Variants in DHX37 observed in about 807,000 individuals in gnomAD.
The protein encoded by DHX37 is DEAH-box helicase 37.
Under a neutral mutation model 134.3 loss-of-function variants are expected in DHX37, and 52 were observed. The ratio of observed to expected loss-of-function variants is 0.39; its 90% confidence interval spans 0.31 to 0.49. The LOEUF (loss-of-function observed/expected upper bound fraction) is 0.49. Among genes scored for constraint, DHX37 ranks in the 20% least tolerant of loss-of-function variants. The pLI is 0.93. For missense variants in DHX37, 1,344 were observed against 1,580.8 expected (o/e 0.85, Z 2.54); for synonymous variants, 634 against 670.7 (o/e 0.95, Z 0.85).
At chr12:124,968,996 G>T (rs11614657) in intron 8 of DHX37, 28 bp from the exon 9 acceptor site, 208,306 of 1,605,086 alleles carry the variant, frequency 0.13, 14,059 homozygotes, top group Middle Eastern at 0.16. Context: ...CAGTGACCGT[G>T]GCCCCAGGAC....
Position 124,952,668 on chromosome 12 carries a change from C to G in DHX37, c.2696-98G>C. 2 of 1,280,002 alleles carry G rather than the reference C, an allele frequency of 1.6e-6. 1 individual carries two copies. Among genetic ancestry groups the G allele is most frequent in the South Asian group, 4.3e-5 (2 of 47,052 alleles). The allele number at this position is 1,280,002 out of a possible 1,614,324, so 79.3% of individuals were successfully genotyped here. On this transcript the variant is annotated intron_variant, in intron 20 of 26. Transcript: ENST00000308736. ...GTCCCAACCATGCTCAGTGCTCTAGCCTCAGCCACCTGCTTGTCTCAACCC... is the reference window on the plus strand; with the variant it reads ...GTCCCAACCATGCTCAGTGCTCTAGGCTCAGCCACCTGCTTGTCTCAACCC...
At chr12:124,950,960 G>T in intron 21 of DHX37, 156 bp from the exon 22 acceptor site, 1 of 754,354 alleles carries the variant, frequency 1.3e-6, no homozygotes, top group South Asian at 6.1e-5. Context: ...ACACGCTGGA[G>T]TCTGATCCAG....
At chr12:124,954,278 A>C (rs372411913) in intron 18 of DHX37, 67 bp from the exon 19 acceptor site, 14 of 1,507,438 alleles carry the variant, frequency 9.3e-6, no homozygotes, top group African/African-American at 2.8e-5. Context: ...AGCGGGGGGA[A>C]CTCCTTTATT....
chr12:124,980,451 C>T lies in DHX37; in HGVS notation c.738+39G>A, dbSNP rs1051419096. 4 of 1,595,976 alleles carry T rather than the reference C, an allele frequency of 2.5e-6. No individual in the cohort carries two copies. Among genetic ancestry groups the T allele is most frequent in the African/African-American group, 1.4e-5 (1 of 74,010 alleles). ...ACGCCCTCTGTGCGCCCCTTGCCCG[C>T]TAACCTAGATTCTTAATCACAAACA... On this transcript the variant is annotated intron_variant, in intron 4 of 26. Transcript: ENST00000308736. The surrounding 1 kb of genome is among the most constrained non-coding windows in gnomAD (Gnocchi z 5.3).
chr12:124,970,536 C>T (rs922449250), intron 8 of DHX37, among the ~76,000 whole-genome samples: 3 of 152,162 alleles, frequency 2.0e-5, no homozygotes, highest in Admixed American at 2.0e-4. Flanking sequence ...CCTCATTCAG[C>T]CTTCCACTTG....
intron 1 of DHX37, among the ~76,000 whole-genome samples, chr12:124,986,983 G>A (rs1189207932): frequency 6.6e-6 from 1 of 152,126 alleles, no homozygotes; most frequent in East Asian, 2.0e-4. Flanking sequence ...TGACCCCCAA[G>A]TGAGCCACCC....
chr12:124,971,991 T>C (rs1954534067), intron 7 of DHX37, among the ~76,000 whole-genome samples: 1 of 152,214 alleles, frequency 6.6e-6, no homozygotes, highest in South Asian at 2.1e-4. Context: ...CCAGGGACCG[T>C]GAAGACGCTC....
At position 124,961,284 on chromosome 12, in the gene DHX37, A is replaced by G. The variant is rs774902982; in HGVS notation, c.2046-861T>C. Among the ~76,000 whole-genome samples, 24 of 123,680 alleles carry G rather than the reference A, an allele frequency of 1.9e-4. No homozygotes were observed. In the East Asian group the frequency reaches 3.6e-3, roughly 19 times the overall value. 81.1% of individuals were successfully genotyped at this position (123,680 alleles called of 152,430 possible). ...CACACATACACGCGTGCACGCACAC[A>G]CACTTACACGCGTGCACGCACGCAC... On this transcript the variant is annotated intron_variant, in intron 15 of 26. Coordinates refer to ENST00000308736, the MANE Select transcript of DHX37 (RefSeq NM_032656.4).
chr12:124,963,310 C>T (rs953686916), intron 15 of DHX37, among the ~76,000 whole-genome samples: 1 of 152,124 alleles, frequency 6.6e-6, no homozygotes, highest in African/African-American at 2.4e-5. Context: ...CAGGCACATC[C>T]CTATAGACAA....
At chr12:124,966,699 A>G in intron 12 of DHX37, 94 bp downstream of exon 12, 2 of 1,276,840 alleles carry the variant, frequency 1.6e-6, no homozygotes, top group South Asian at 2.4e-5. Context: ...TATTCCAATT[A>G]CACTTAAACC....
intron 15 of DHX37, among the ~76,000 whole-genome samples, chr12:124,962,954 G>A (rs1037904325): frequency 2.6e-5 from 4 of 152,160 alleles, no homozygotes; most frequent in African/African-American, 4.8e-5. Flanking sequence ...GTGGCTCCTC[G>A]GTAAGTTAAA....
chr12:124,968,771 C>T, intron 9 of DHX37, 96 bp downstream of exon 9: 1 of 1,592,786 alleles, frequency 6.3e-7, no homozygotes, highest in Admixed American at 1.7e-5. Context: ...TGCTGTCAAT[C>T]CCCCCTGTGA....
chr12:124,986,379 G>A (rs1164632482), intron 1 of DHX37, 114 bp from the exon 2 acceptor site: 12 of 1,140,858 alleles, frequency 1.1e-5, no homozygotes, highest in Non-Finnish European at 1.5e-5. Flanking sequence ...AGGAACAGGG[G>A]GATCTGTGAG....
At chr12:124,951,899 G>A (rs942271753) in intron 21 of DHX37, among the ~76,000 whole-genome samples, 1 of 152,190 alleles carries the variant, frequency 6.6e-6, no homozygotes, top group Non-Finnish European at 1.5e-5. Context: ...TGGAACCCAG[G>A]AGGTGGAGGT....
At chr12:124,950,643 T>C (rs544154799) in intron 22 of DHX37, 47 bp downstream of exon 22, 3 of 1,601,082 alleles carry the variant, frequency 1.9e-6, no homozygotes, top group South Asian at 2.2e-5. Flanking sequence ...CACACCCCCA[T>C]TAGCGTCACC....
At chr12:124,956,358 G>T (rs1954093756) in intron 18 of DHX37, among the ~76,000 whole-genome samples, 1 of 148,636 alleles carries the variant, frequency 6.7e-6, no homozygotes, top group Admixed American at 6.8e-5. Flanking sequence ...CTACGCAATA[G>T]GATGCCAGGA....
chr12:124,964,635 C>A lies in DHX37; in HGVS notation c.1813-9G>T. 1 of 1,605,944 alleles carries A rather than the reference C, an allele frequency of 6.2e-7. No individual in the cohort carries two copies. Among genetic ancestry groups the A allele is most frequent in the South Asian group, 1.1e-5 (1 of 90,190 alleles). ...GGTGGAGGCTTAAAGACCTAGGATT[C>A]GGGGAAGGGATGGCAGGAAAACACC... On this transcript the variant is annotated splice_polypyrimidine_tract_variant and intron_variant, in intron 14 of 26. Coordinates refer to ENST00000308736, the MANE Select transcript of DHX37 (RefSeq NM_032656.4).
chr12:124,982,263 C>T (rs747794086), intron 3 of DHX37, among the ~76,000 whole-genome samples: 7 of 152,204 alleles, frequency 4.6e-5, no homozygotes, highest in African/African-American at 7.2e-5. Flanking sequence ...AGGGACTCTA[C>T]ACCACAGGAA....
chr12:124,948,010 G>A, intron 26 of DHX37, 74 bp downstream of exon 26: 3 of 1,613,756 alleles, frequency 1.9e-6, no homozygotes, highest in Non-Finnish European at 2.5e-6. Context: ...GGCTGACCGT[G>A]CACAAAGCAC....
Sources: gnomAD v4.1 joint callset for allele counts (sites outside exome capture counted in the v4.1 genomes callset) on GRCh38, gnomAD v4.1.1 for gene constraint, Gnocchi (gnomAD v3.1) non-coding constraint, MANE v1.5 for transcripts, NCBI Gene and HGNC (gene_info 2026-07-23, HGNC 2026-07-21) for gene names.